The following DSC2 variants were observed in gnomAD, a reference collection of about 807,000 sequenced individuals.
The protein encoded by DSC2 is desmocollin-2.
A neutral mutation model predicts 87.6 loss-of-function variants in DSC2; 51 were observed. That is an observed-to-expected ratio of 0.58 (90% CI 0.46 to 0.74). DSC2 has a LOEUF of 0.74. Ranked by LOEUF, DSC2 falls within the 30% of genes least tolerant of loss-of-function variation. The pLI, the probability that DSC2 is intolerant of heterozygous loss-of-function variation, is 0.00. For missense variants in DSC2, 1,066 were observed against 1,089.5 expected (o/e 0.98, Z 0.30); for synonymous variants, 383 against 393.2 (o/e 0.97, Z 0.31).
At position 31,059,477 on chromosome 18, in the gene DSC2, T is replaced by A. The variant is rs890271382; in HGVS notation, c.*8538A>T. On this transcript the variant is annotated 3_prime_UTR_variant, in exon 16 of 16. Coordinates refer to ENST00000280904, the MANE Select transcript of DSC2 (RefSeq NM_024422.6). ...ATTTAATCATTTACTGTAAATATAA[T>A]ATGTTCAGTGAAAACTTTATTTATT... is the stretch of plus-strand genomic sequence containing the variant. 3 of 152,184 alleles carry A rather than the reference T, an allele frequency of 2.0e-5. No homozygotes were observed. Among genetic ancestry groups the A allele is most frequent in the Non-Finnish European group, 4.4e-5 (3 of 68,018 alleles). The allele number at this position is 152,184 out of a possible 1,614,324, so 9.4% of individuals were successfully genotyped here.
At chr18:31,098,393 A>G (rs1987830510) in intron 1 of DSC2, among the ~76,000 whole-genome samples, 1 of 152,180 alleles carries the variant, frequency 6.6e-6, no homozygotes, top group South Asian at 2.1e-4. Context: ...TATCTATCAT[A>G]AAATAGCTTT....
intron 1 of DSC2, among the ~76,000 whole-genome samples, chr18:31,095,944 G>A (rs1987747501): frequency 6.6e-6 from 1 of 151,954 alleles, no homozygotes. Context: ...GCACAGACCT[G>A]AAGAAGAAAT....
rs991494477 is a variant in DSC2, at chr18:31,061,081, T to G, written c.*6934A>C. On this transcript the variant is annotated 3_prime_UTR_variant, in exon 16 of 16. Coordinates refer to ENST00000280904, the MANE Select transcript of DSC2 (RefSeq NM_024422.6). ...AGTGAAGGCTTCTATACTTTTCCCC[T>G]ACTAGCCTGTTACTCCTGTGACTGA... The G allele has an allele frequency of 1.3e-5, 2 of 152,236 alleles. No homozygotes were observed. Among genetic ancestry groups the G allele is most frequent in the Admixed American group, 1.3e-4 (2 of 15,272 alleles). 9.4% of individuals were successfully genotyped at this position (152,236 alleles called of 1,614,324 possible). A position where few individuals can be genotyped will look rare whatever the true frequency, so the allele number is the denominator to read the frequency against.
chr18:31,078,283 T>G (rs1362948647), intron 11 of DSC2, among the ~76,000 whole-genome samples: 2 of 152,228 alleles, frequency 1.3e-5, no homozygotes, highest in African/African-American at 2.4e-5. Flanking sequence ...GAATTACTGA[T>G]TCACAGTTCT....
At position 31,059,545 on chromosome 18, in the gene DSC2, C is replaced by A. The variant is rs1032937490; in HGVS notation, c.*8470G>T. On this transcript the variant is annotated 3_prime_UTR_variant, in exon 16 of 16. Coordinates refer to ENST00000280904, the MANE Select transcript of DSC2 (RefSeq NM_024422.6). ...GCTTTTCTTCACAGGCCTGTAAGCTCCCCAAATTCTAAAGCCTGTGAGTTT... is the reference window on the plus strand; with the variant it reads ...GCTTTTCTTCACAGGCCTGTAAGCTACCCAAATTCTAAAGCCTGTGAGTTT... The A allele has an allele frequency of 1.7e-4, 26 of 152,256 alleles. 1 individual carries two copies. The highest frequency in any genetic ancestry group is 6.0e-4 in the African/African-American group (25 of 41,562). 9.4% of individuals were successfully genotyped at this position (152,256 alleles called of 1,614,324 possible). A position where few individuals can be genotyped will look rare whatever the true frequency, so the allele number is the denominator to read the frequency against.
chr18:31,068,970 C>T lies in DSC2; in HGVS notation c.2432G>A (p.Gly811Glu). The change falls in exon 15 of 16, where the codon GGA becomes GAA. Residue 811 changes from glycine to glutamate, a missense_variant. Gly to Glu is a moderately conservative substitution (Grantham distance 98, BLOSUM62 -2). Coordinates refer to ENST00000280904, the MANE Select transcript of DSC2 (RefSeq NM_024422.6). ...GCAGTTGTCCACCTCCGTGTGTCCT[C>T]CCCTGCAGGAGTCCAGGGTGTGATG... ...GHHHTLDSCR[G>E]GHTEVDNCRY... 1 of 1,614,102 alleles carries T rather than the reference C, an allele frequency of 6.2e-7. No homozygotes were observed. The highest frequency in any genetic ancestry group is 8.5e-7 in the Non-Finnish European group (1 of 1,180,024).
chr18:31,086,541 A>G, intron 7 of DSC2, 35 bp downstream of exon 7: 1 of 1,613,268 alleles, frequency 6.2e-7, no homozygotes, highest in Middle Eastern at 1.7e-4. Context: ...TTGAATAGCC[A>G]CGTTATAATC....
intron 1 of DSC2, 28 bp from the exon 2 acceptor site, chr18:31,093,671 T>G (rs942992623): frequency 4.8e-6 from 7 of 1,465,252 alleles, no homozygotes; most frequent in Non-Finnish European, 6.5e-6. Context: ...ATCAAATAAA[T>G]ATTATGCATA....
intron 1 of DSC2, chr18:31,101,293 G>A (rs1277722084): frequency 1.6e-5 from 7 of 451,132 alleles, no homozygotes; most frequent in Admixed American, 2.3e-4. Context: ...ACTTCCCCCC[G>A]CCCTTCTCTC....
At position 31,090,936 on chromosome 18, in the gene DSC2, A is replaced by G. The variant is rs138296321; in HGVS notation, c.474+92T>C. ...CATACTCATTCACTCACATATTTAT[A>G]CACAACTATTACAAATAACTTCATA... is the stretch of plus-strand genomic sequence containing the variant. On this transcript the variant is annotated intron_variant, in intron 4 of 15. Coordinates refer to ENST00000280904, the MANE Select transcript of DSC2 (RefSeq NM_024422.6). The G allele has an allele frequency of 4.2e-4, 647 of 1,543,748 alleles. 3 individuals carry two copies. The African/African-American group carries it at 8.0e-3, about 19-fold the overall frequency.
chr18:31,086,683 G>T lies in DSC2; in HGVS notation c.835C>A (p.Arg279Ser), dbSNP rs193922708. The change falls in exon 7 of 16, where the codon CGC (arginine) becomes AGC (serine). Residue 279 changes from arginine (R) to serine (S), a missense_variant. Coordinates refer to ENST00000280904, the MANE Select transcript of DSC2 (RefSeq NM_024422.6). The stretch of plus-strand genomic sequence containing the variant: ...TGCCCAATGATGGAGTACTTCAGGC[G>T]TGTGTGCATCGTGTCAGGCTCATCT... ...DKDEPDTMHT[R>S]LKYSIIGQVP... 2 of 1,614,030 alleles carry T rather than the reference G, an allele frequency of 1.2e-6. No homozygotes were observed. Among genetic ancestry groups the T allele is most frequent in the Non-Finnish European group, 1.7e-6 (2 of 1,180,022 alleles).
chr18:31,101,724 G>T (rs1267413453), intron 1 of DSC2, 179 bp downstream of exon 1: 1 of 638,184 alleles, frequency 1.6e-6, no homozygotes, highest in Non-Finnish European at 2.7e-6. Flanking sequence ...CAACTCTCAG[G>T]TCGCGATCCT....
intron 1 of DSC2, among the ~76,000 whole-genome samples, chr18:31,098,206 T>C (rs62087333): frequency 2.5e-3 from 382 of 152,322 alleles, no homozygotes; most frequent in Non-Finnish European, 4.3e-3. Context: ...ATCTAAGTCA[T>C]AACTAGGCCT....
rs1986568687 is a variant in DSC2 at position 31,064,548 on chromosome 18, TG to T, written c.*3466del. Reference sequence around the variant, plus strand: ...ATTCTCTGTTTCAAGCCTAAGTAAGTGGAAGAAGGGCACCATTGTGTAAATA... The same window carrying T: ...ATTCTCTGTTTCAAGCCTAAGTAAGTGAAGAAGGGCACCATTGTGTAAATA... On this transcript the variant is annotated 3_prime_UTR_variant, in exon 16 of 16. Transcript: ENST00000280904. 1.3e-5 allele frequency: 2 copies of T among 152,296 alleles called. No homozygotes were observed. The highest frequency in any genetic ancestry group is 2.1e-4 in the South Asian group (1 of 4,830). The allele number at this position is 152,296 out of a possible 1,614,324, so 9.4% of individuals were successfully genotyped here. A position where few individuals can be genotyped will look rare whatever the true frequency, so the allele number is the denominator to read the frequency against.
intron 1 of DSC2, chr18:31,101,535 C>T (rs1273686476): frequency 1.3e-5 from 3 of 235,616 alleles, no homozygotes; most frequent in South Asian, 1.6e-4. Flanking sequence ...CACTCCCGCC[C>T]CGGCGCACTC....
chr18:31,080,252 G>A lies in DSC2; in HGVS notation c.1364C>T (p.Thr455Ile), dbSNP rs1987170478. The A allele has an allele frequency of 1.9e-6, 3 of 1,614,050 alleles. No homozygotes were observed. The highest frequency in any genetic ancestry group is 2.5e-6 in the Non-Finnish European group (3 of 1,180,002). ...REASPRSAMS[T>I]ATVTVNVEDQ... ...TTCTACATTAACAGTAACTGTTGCT[G>A]TGCTCATGGCTGATCTTGGACTAGC... The change falls in exon 10 of 16, where the codon ACA becomes ATA. Residue 455 changes from threonine to isoleucine, a missense_variant. Coordinates refer to ENST00000280904, the MANE Select transcript of DSC2 (RefSeq NM_024422.6).
intron 12 of DSC2, among the ~76,000 whole-genome samples, chr18:31,073,398 C>T (rs1986898521): frequency 6.6e-6 from 1 of 151,704 alleles, no homozygotes; most frequent in East Asian, 1.9e-4. Flanking sequence ...CACACACACA[C>T]ACACACGCAC....
rs1475915405 is a variant in DSC2, at chr18:31,061,627, A to G, written c.*6388T>C. The G allele has an allele frequency of 6.7e-6, 1 of 149,524 alleles. No homozygotes were observed. Among genetic ancestry groups the G allele is most frequent in the Admixed American group, 6.6e-5 (1 of 15,178 alleles). The allele number at this position is 149,524 out of a possible 1,614,324, so 9.3% of individuals were successfully genotyped here. ...ACCTGACTAGCTATTTCAAAGCTCT[A>G]GCTTCTTTTTGTTGCCTGTTTTTTA... is the stretch of plus-strand genomic sequence containing the variant. On this transcript the variant is annotated 3_prime_UTR_variant, in exon 16 of 16. Coordinates refer to ENST00000280904, the MANE Select transcript of DSC2 (RefSeq NM_024422.6).
At position 31,067,830 on chromosome 18, in the gene DSC2, T is replaced by C. The variant is rs147458812; in HGVS notation, c.*185A>G. 7.4e-4 allele frequency: 446 copies of C among 600,964 alleles called. 1 individual carries two copies. In the African/African-American group the frequency reaches 7.5e-3, roughly 10 times the overall value. 37.2% of individuals were successfully genotyped at this position (600,964 alleles called of 1,614,324 possible). A position where few individuals can be genotyped will look rare whatever the true frequency, so the allele number is the denominator to read the frequency against. On this transcript the variant is annotated 3_prime_UTR_variant, in exon 16 of 16. Coordinates refer to ENST00000280904, the MANE Select transcript of DSC2 (RefSeq NM_024422.6). ...TAAGTAATTTAAAAATATGTAAAAATTGAAAAATTTGTGTACTTGTTTATA... is the reference window on the plus strand; with the variant it reads ...TAAGTAATTTAAAAATATGTAAAAACTGAAAAATTTGTGTACTTGTTTATA...
Sources: allele counts gnomAD v4.1 joint callset (sites outside exome capture counted in the v4.1 genomes callset), GRCh38; gene constraint gnomAD v4.1.1; transcripts MANE v1.5; gene names NCBI Gene and HGNC (gene_info 2026-07-23, HGNC 2026-07-21).